The following CRLS1 variants were observed in gnomAD, a reference collection of about 807,000 sequenced individuals.
CRLS1 encodes cardiolipin synthase (CMP-forming).
A neutral mutation model predicts 37.0 loss-of-function variants in CRLS1; 24 were observed. That is an observed-to-expected ratio of 0.65 (90% CI 0.47 to 0.91). The LOEUF (loss-of-function observed/expected upper bound fraction) is 0.91. CRLS1 is among the 40% of genes least tolerant of loss of function. CRLS1 has a pLI of 0.00. For missense variants in CRLS1, 373 were observed against 395.8 expected (o/e 0.94, Z 0.49); for synonymous variants, 135 against 159.7 (o/e 0.85, Z 1.17).
chr20:6,033,045 T>C (rs944740071), intron 5 of CRLS1, among the ~76,000 whole-genome samples: 2 of 151,964 alleles, frequency 1.3e-5, no homozygotes, highest in African/African-American at 4.8e-5. Flanking sequence ...TAAACCCTTA[T>C]AGGAAGCCCT....
At chr20:6,019,433 A>G (rs1235021458) in intron 3 of CRLS1, among the ~76,000 whole-genome samples, 1 of 151,838 alleles carries the variant, frequency 6.6e-6, no homozygotes, top group Non-Finnish European at 1.5e-5. Flanking sequence ...CAGTGGGCCC[A>G]GAATAGCTCT....
intron 3 of CRLS1, chr20:6,028,859 T>C (rs1979922677): frequency 6.6e-6 from 1 of 152,274 alleles, no homozygotes; most frequent in South Asian, 2.1e-4. Context: ...TACACTGTCC[T>C]GCCCATCACT....
In CRLS1 at chr20:6,016,604, T is replaced by G. The variant is rs565074104; in HGVS notation, c.574+1114T>G. Among the ~76,000 whole-genome samples the G allele has an allele frequency of 1.6e-4, 25 of 152,328 alleles. No homozygotes were observed. In the South Asian group the frequency reaches 3.7e-3, roughly 23 times the overall value. On this transcript the variant is annotated intron_variant, in intron 3 of 6. Coordinates refer to ENST00000378863, the MANE Select transcript of CRLS1 (RefSeq NM_019095.6). ...CCCTGCCATTTTTTCAAAGTTACAT[T>G]GTATTTTGATGTAGTATTTTACAAA...
At chr20:6,027,025 T>C (rs908134731) in intron 3 of CRLS1, among the ~76,000 whole-genome samples, 35 of 152,076 alleles carry the variant, frequency 2.3e-4, no homozygotes, top group African/African-American at 8.2e-4. Context: ...ATAGAAAATA[T>C]ACAGGTGAGT....
intron 3 of CRLS1, chr20:6,023,538 A>C (rs538092442): frequency 6.6e-6 from 1 of 152,152 alleles, no homozygotes; most frequent in East Asian, 1.9e-4. Flanking sequence ...TCAGAGCCCA[A>C]CTTCGAGGGC....
chr20:6,030,568 A>G (rs1980087510), intron 3 of CRLS1, among the ~76,000 whole-genome samples: 1 of 152,022 alleles, frequency 6.6e-6, no homozygotes, highest in East Asian at 1.9e-4. Context: ...ACAAAAATAC[A>G]AAAATTAGGC....
intron 3 of CRLS1, among the ~76,000 whole-genome samples, chr20:6,023,028 A>G (rs775401881): frequency 1.3e-5 from 2 of 152,152 alleles, no homozygotes; most frequent in African/African-American, 4.8e-5. Context: ...AGCTGTACCA[A>G]ATCTATTTAA....
At chr20:6,025,934 A>C (rs1290051010) in intron 3 of CRLS1, among the ~76,000 whole-genome samples, 1 of 152,216 alleles carries the variant, frequency 6.6e-6, no homozygotes, top group Non-Finnish European at 1.5e-5. Flanking sequence ...TCTAGAGATG[A>C]AATATACTCC....
At chr20:6,012,403 C>T (rs546300686) in intron 2 of CRLS1, among the ~76,000 whole-genome samples, 5 of 152,104 alleles carry the variant, frequency 3.3e-5, no homozygotes, top group Non-Finnish European at 5.9e-5. Flanking sequence ...GGAGCTTAGA[C>T]TGGGGTTGGA....
At chr20:6,036,993 T>C in intron 6 of CRLS1, 81 bp from the exon 7 acceptor site, 1 of 924,846 alleles carries the variant, frequency 1.1e-6, no homozygotes, top group Non-Finnish European at 1.7e-6. Flanking sequence ...TTTAAATTCA[T>C]TGCATGTATT....
In CRLS1 at chr20:6,011,960, T is replaced by C. The variant is rs372798075; in HGVS notation, c.444+2048T>C. On this transcript the variant is annotated intron_variant, in intron 2 of 6. Coordinates refer to ENST00000378863, the MANE Select transcript of CRLS1 (RefSeq NM_019095.6). The stretch of plus-strand genomic sequence containing the variant: ...AGTCTGTCAAAGGCCATTATACTGA[T>C]AACAGTTTTTTTTTAACATAACAGA... Among the ~76,000 whole-genome samples the C allele has an allele frequency of 2.0e-4, 31 of 152,002 alleles. No individual in the cohort carries two copies. In the East Asian group the frequency reaches 2.1e-3, roughly 10 times the overall value.
At chr20:6,030,255 T>A (rs2123015025) in intron 3 of CRLS1, among the ~76,000 whole-genome samples, 1 of 152,294 alleles carries the variant, frequency 6.6e-6, no homozygotes, top group African/African-American at 2.4e-5. Flanking sequence ...TCCCATTCAG[T>A]AAGGAAATAG....
At position 6,006,198 on chromosome 20, in the gene CRLS1, G is replaced by A. The variant is rs927000142; in HGVS notation, c.-49G>A. 1 of 1,113,640 alleles carries A rather than the reference G, an allele frequency of 9.0e-7. No individual in the cohort carries two copies. The highest frequency in any genetic ancestry group is 1.1e-6 in the Non-Finnish European group (1 of 884,680). 69.0% of individuals were successfully genotyped at this position (1,113,640 alleles called of 1,614,324 possible). On this transcript the variant is annotated 5_prime_UTR_variant, in exon 1 of 7. Coordinates refer to ENST00000378863, the MANE Select transcript of CRLS1 (RefSeq NM_019095.6). Reference sequence around the variant, plus strand: ...GGAGAAGCGGCTCGCCAGTGTCCCAGGCTGCTGAGCTCTCGCCGCCCGAGA... The same window carrying A: ...GGAGAAGCGGCTCGCCAGTGTCCCAAGCTGCTGAGCTCTCGCCGCCCGAGA...
Position 6,006,522 on chromosome 20 carries a change from C to T in CRLS1, c.276C>T (p.Gly92=). 1 of 1,328,402 alleles carries T rather than the reference C, an allele frequency of 7.5e-7. No homozygotes were observed. The highest frequency in any genetic ancestry group is 2.1e-5 in the South Asian group (1 of 48,088). 82.3% of individuals were successfully genotyped at this position (1,328,402 alleles called of 1,614,324 possible). A position where few individuals can be genotyped will look rare whatever the true frequency, so the allele number is the denominator to read the frequency against. Residue 92 remains glycine (G), a synonymous_variant, in exon 1 of 7, where the codon GGC becomes GGT. Transcript: ENST00000378863. ...GCGCCGCTGCCGAAGCCCCGGGCGG[C>T]CAGTGGGGCCCGGCGAGCACCCCCA... ...GAGAAAEAPG[G]QWGPASTPSL... is the part of the protein sequence containing the mutation.
intron 6 of CRLS1, among the ~76,000 whole-genome samples, chr20:6,035,343 TC>T (rs1439496357): frequency 2.6e-5 from 4 of 152,108 alleles, no homozygotes; most frequent in African/African-American, 9.7e-5. Flanking sequence ...GTTTTTTCTT[TC>T]TCGGATAAAC....
At chr20:6,019,785 C>A (rs1979099818) in intron 3 of CRLS1, among the ~76,000 whole-genome samples, 1 of 150,358 alleles carries the variant, frequency 6.7e-6, no homozygotes, top group African/African-American at 2.5e-5. Context: ...CCTCAGCCTC[C>A]TGAGTAGCTA....
intron 2 of CRLS1, among the ~76,000 whole-genome samples, chr20:6,011,586 T>C (rs1978324245): frequency 3.0e-5 from 3 of 100,444 alleles, no homozygotes; most frequent in Non-Finnish European, 5.7e-5. Flanking sequence ...TTTTTTTTTT[T>C]TTTTTTTTTT....
chr20:6,017,184 A>C (rs76343197), intron 3 of CRLS1, among the ~76,000 whole-genome samples: 8,787 of 152,148 alleles, frequency 0.058, 341 homozygotes, highest in Non-Finnish European at 0.087. Flanking sequence ...ATAGGGTTTT[A>C]CCACGTTGCC....
At chr20:6,013,487 A>G (rs938479244) in intron 2 of CRLS1, among the ~76,000 whole-genome samples, 5 of 152,140 alleles carry the variant, frequency 3.3e-5, no homozygotes, top group African/African-American at 1.2e-4. Context: ...GGAACGGATG[A>G]AGGAAGGCAG....
Sources: gnomAD v4.1 joint callset for allele counts (sites outside exome capture counted in the v4.1 genomes callset) on GRCh38, gnomAD v4.1.1 for gene constraint, MANE v1.5 for transcripts, NCBI Gene and HGNC (gene_info 2026-07-23, HGNC 2026-07-21) for gene names.